Variants in HYCC1 observed in about 807,000 individuals in gnomAD.
HYCC1 encodes the protein hyccin.
chr7:22,987,669 T>C, the HYCC1 span, among the ~76,000 whole-genome samples: 1 of 152,168 alleles, frequency 6.6e-6, no homozygotes, highest in Non-Finnish European at 1.5e-5. Flanking sequence ...TGGGTGAGGT[T>C]AGGAGTTCAG....
chr7:22,960,326 T>C, the HYCC1 span: 8 of 1,613,490 alleles, frequency 5.0e-6, no homozygotes, highest in African/African-American at 9.3e-5. Flanking sequence ...GAGAGGAAGT[T>C]GGTGTGATTT....
the HYCC1 span, among the ~76,000 whole-genome samples, chr7:22,929,504 C>A: frequency 1.3e-5 from 2 of 152,004 alleles, no homozygotes; most frequent in Non-Finnish European, 2.9e-5. Context: ...AAGAAAAAAA[C>A]AAACAACCGC....
the HYCC1 span, among the ~76,000 whole-genome samples, chr7:22,913,822 G>A: frequency 2.0e-5 from 3 of 152,152 alleles, no homozygotes; most frequent in African/African-American, 4.8e-5. Context: ...ACACGGACAC[G>A]TGTGACATTT....
the HYCC1 span, among the ~76,000 whole-genome samples, chr7:22,927,801 G>T: frequency 7.9e-3 from 1,203 of 152,164 alleles, 19 homozygotes; most frequent in African/African-American, 0.027. Flanking sequence ...TTCCAATCAA[G>T]AGAAAAAGAG....
the HYCC1 span, chr7:22,943,999 T>C: frequency 6.6e-6 from 1 of 152,170 alleles, no homozygotes; most frequent in Non-Finnish European, 1.5e-5. Flanking sequence ...GCAGTTGCAG[T>C]TAAAACTATG....
chr7:22,947,843 T>A, the HYCC1 span, among the ~76,000 whole-genome samples: 1 of 152,222 alleles, frequency 6.6e-6, no homozygotes, highest in South Asian at 2.1e-4. Context: ...CAGGTATAGT[T>A]TTTGTCTCAC....
the HYCC1 span, among the ~76,000 whole-genome samples, chr7:22,948,959 A>G: frequency 6.6e-6 from 1 of 152,018 alleles, no homozygotes; most frequent in Non-Finnish European, 1.5e-5. Context: ...ACTGCAACTG[A>G]GATAAAATCG....
chr7:22,997,729 G>A, the HYCC1 span, among the ~76,000 whole-genome samples: 3 of 152,114 alleles, frequency 2.0e-5, no homozygotes, highest in Non-Finnish European at 4.4e-5. Context: ...TGCCTCTCAA[G>A]GCACCAGGAG....
the HYCC1 span, among the ~76,000 whole-genome samples, chr7:22,989,285 A>AC: frequency 2.0e-5 from 3 of 148,592 alleles, no homozygotes; most frequent in Non-Finnish European, 4.5e-5. Context: ...ACAAGCAGGA[A>AC]ACACACACAC....
the HYCC1 span, chr7:22,960,289 T>C: frequency 6.2e-7 from 1 of 1,613,868 alleles, no homozygotes; most frequent in South Asian, 1.1e-5. Flanking sequence ...CTTATTGACA[T>C]GCTGGTTACT....
chr7:22,968,042 A>G, the HYCC1 span, among the ~76,000 whole-genome samples: 2 of 152,186 alleles, frequency 1.3e-5, no homozygotes, highest in Admixed American at 1.3e-4. Flanking sequence ...TAATAAAACT[A>G]TCTATTACAG....
At chr7:22,903,301 T>C in the HYCC1 span, among the ~76,000 whole-genome samples, 1 of 151,940 alleles carries the variant, frequency 6.6e-6, no homozygotes, top group African/African-American at 2.4e-5. Flanking sequence ...GTAATAGCCC[T>C]AAACTGGAAA....
chr7:22,898,775 G>A, the HYCC1 span, among the ~76,000 whole-genome samples: 7 of 151,596 alleles, frequency 4.6e-5, no homozygotes, highest in African/African-American at 1.7e-4. Context: ...GATAATTTTT[G>A]TATTTTTAGT....
the HYCC1 span, among the ~76,000 whole-genome samples, chr7:22,902,112 T>C: frequency 6.6e-6 from 1 of 152,050 alleles, no homozygotes; most frequent in Non-Finnish European, 1.5e-5. Context: ...TTACAAATCG[T>C]ATCAATAAAA....
At chr7:22,985,684 A>G in the HYCC1 span, 2 of 152,086 alleles carry the variant, frequency 1.3e-5, no homozygotes, top group South Asian at 4.1e-4. Flanking sequence ...ATGACACAAA[A>G]GATCTCGAGG....
chr7:23,003,044 T>C, the HYCC1 span, among the ~76,000 whole-genome samples: 1 of 152,168 alleles, frequency 6.6e-6, no homozygotes, highest in East Asian at 1.9e-4. Context: ...AATTACCTCA[T>C]TTTAACTTAA....
the HYCC1 span, chr7:22,961,175 A>AGAAC: frequency 6.3e-6 from 7 of 1,116,636 alleles, no homozygotes; most frequent in South Asian, 1.2e-5. Flanking sequence ...CTCTCAATTT[A>AGAAC]TAGTTCTAAA....
chr7:22,918,873 C>T, the HYCC1 span, among the ~76,000 whole-genome samples: 1 of 152,136 alleles, frequency 6.6e-6, no homozygotes, highest in African/African-American at 2.4e-5. Flanking sequence ...GATTAAAAAG[C>T]TTTATTGCTC....
the HYCC1 span, chr7:22,964,532 C>A: frequency 1.3e-6 from 2 of 1,517,224 alleles, no homozygotes; most frequent in Non-Finnish European, 1.8e-6. Context: ...AACACAGATT[C>A]TAGAAAAACC....
Sources: allele counts gnomAD v4.1 joint callset (sites outside exome capture counted in the v4.1 genomes callset), GRCh38; gene constraint gnomAD v4.1.1; transcripts MANE v1.5; gene names NCBI Gene and HGNC (gene_info 2026-07-23, HGNC 2026-07-21).